Variants in NEDD9 observed in about 807,000 individuals in gnomAD.
NEDD9 encodes neural precursor cell expressed, developmentally down-regulated 9.
In NEDD9, 26 loss-of-function variants were observed where a neutral mutation model predicts 76.6. The ratio of observed to expected loss-of-function variants is 0.34; its 90% CI spans 0.25 to 0.47. NEDD9 has a LOEUF of 0.47. Ranked by LOEUF, NEDD9 falls within the 20% of genes least tolerant of loss-of-function variation. The probability of loss-of-function intolerance (pLI) is 1.00; values close to 1 mark genes in which losing one functional copy is unlikely to be tolerated. For synonymous variants in NEDD9, 392 were observed against 414.2 expected, an observed-to-expected ratio of 0.95 and a Z score of 0.65; for missense variants, 937 against 1,058.5, an observed-to-expected ratio of 0.89 and a Z score of 1.59.
At chr6:11,240,716 T>C (rs1007930155) in intron 3 of NEDD9, among the ~76,000 whole-genome samples, 1 of 152,252 alleles carries the variant, frequency 6.6e-6, no homozygotes, top group African/African-American at 2.4e-5. Flanking sequence ...CACTCGACTC[T>C]AGTGAAATGT....
chr6:11,298,579 G>C (rs183911976), intron 3 of NEDD9, among the ~76,000 whole-genome samples: 42 of 152,268 alleles, frequency 2.8e-4, no homozygotes, highest in Non-Finnish European at 4.3e-4. Flanking sequence ...TTATCTCCCT[G>C]TATCTCTCTG....
chr6:11,317,227 G>T (rs1407965414), intron 2 of NEDD9, among the ~76,000 whole-genome samples: 1 of 152,092 alleles, frequency 6.6e-6, no homozygotes, highest in Non-Finnish European at 1.5e-5. Flanking sequence ...CAGGTCAGGA[G>T]TTTGAGACCA....
intron 2 of NEDD9, among the ~76,000 whole-genome samples, chr6:11,197,436 C>T (rs1049900961): frequency 3.3e-5 from 5 of 152,116 alleles, no homozygotes; most frequent in Admixed American, 3.3e-4. Context: ...TTACCCGGCA[C>T]AGGATTTGCA....
At chr6:11,262,746 G>A (rs777751016) in intron 3 of NEDD9, among the ~76,000 whole-genome samples, 4 of 152,206 alleles carry the variant, frequency 2.6e-5, no homozygotes, top group Non-Finnish European at 2.9e-5. Flanking sequence ...ATAAGTTAAA[G>A]CTCAGTTAAA....
At position 11,252,685 on chromosome 6, in the gene NEDD9, A is replaced by G. The variant is rs1194914649; in HGVS notation, c.13-38958T>C. ...TATCCTAATCAAAGTTGAAAATGAC[A>G]AATAGAGGACAGAAATGAATTCCTA... is the stretch of plus-strand genomic sequence containing the variant. On this transcript the variant is annotated intron_variant, in intron 3 of 3. Coordinates refer to the NEDD9 transcript ENST00000397378. This position sits in a 1 kb window ranked among gnomAD's most constrained non-coding sequence, Gnocchi z 4.3. Among the ~76,000 whole-genome samples, 1 of 152,230 alleles carries G rather than the reference A, an allele frequency of 6.6e-6. No individual in the cohort carries two copies. The highest frequency in any genetic ancestry group is 1.9e-4 in the East Asian group (1 of 5,194).
chr6:11,255,707 G>T (rs1226762531), intron 3 of NEDD9, among the ~76,000 whole-genome samples: 1 of 152,114 alleles, frequency 6.6e-6, no homozygotes, highest in African/African-American at 2.4e-5. Context: ...CTGGAGCCAT[G>T]CGAGGCCTTT....
intron 3 of NEDD9, among the ~76,000 whole-genome samples, chr6:11,297,896 A>AT (rs556461553): frequency 8.6e-5 from 12 of 138,894 alleles, no homozygotes; most frequent in South Asian, 4.5e-4. Flanking sequence ...TCTAGTCCGT[A>AT]TTTTTTTTTC....
intron 1 of NEDD9, among the ~76,000 whole-genome samples, chr6:11,360,150 G>T (rs1383271474): frequency 2.0e-5 from 3 of 152,182 alleles, no homozygotes; most frequent in Non-Finnish European, 4.4e-5. Flanking sequence ...TTGGAACGAG[G>T]CTCAGTCTTG....
rs1167233291 is a variant in NEDD9 at position 11,213,989 on chromosome 6, G to A, written c.13-262C>T. 2.6e-5 allele frequency among the ~76,000 whole-genome samples: 4 copies of A among 152,180 alleles called. No homozygotes were observed. Among genetic ancestry groups the A allele is most frequent in the African/African-American group, 7.2e-5 (3 of 41,422 alleles). ...GTTCTTTCCTCTAGCAGGATATGCC[G>A]TGCCAAGGAATTATGAGTAGCAGTG... On this transcript the variant is annotated intron_variant, in intron 1 of 6. Transcript: ENST00000379446. This position sits in a 1 kb window ranked among gnomAD's most constrained non-coding sequence, Gnocchi z 5.4.
intron 2 of NEDD9, among the ~76,000 whole-genome samples, chr6:11,307,998 C>G (rs1761242019): frequency 6.6e-6 from 1 of 152,128 alleles, no homozygotes; most frequent in African/African-American, 2.4e-5. Flanking sequence ...TTCTAGACCC[C>G]GTGCCAAGGA....
chr6:11,256,575 C>T (rs1301642741), intron 3 of NEDD9, among the ~76,000 whole-genome samples: 1 of 152,158 alleles, frequency 6.6e-6, no homozygotes, highest in Non-Finnish European at 1.5e-5. Context: ...ATCCTCCCAC[C>T]TCAGCCTCCT....
At chr6:11,249,287 A>C in intron 3 of NEDD9, 1 of 418,388 alleles carries the variant, frequency 2.4e-6, no homozygotes, top group South Asian at 1.7e-5. Context: ...ACCCTAGATG[A>C]ATGAGTTTAA....
intron 1 of NEDD9, among the ~76,000 whole-genome samples, chr6:11,376,112 C>T (rs978538612): frequency 7.2e-5 from 11 of 152,250 alleles, no homozygotes; most frequent in Non-Finnish European, 1.5e-5. Flanking sequence ...GCGTGAGCCA[C>T]CGTGCCCGGT....
Position 11,192,158 on chromosome 6 carries a change from C to A in NEDD9, c.663+187G>T, listed in dbSNP as rs528477276. 2.0e-5 allele frequency among the ~76,000 whole-genome samples: 3 copies of A among 152,324 alleles called. No homozygotes were observed. In the East Asian group the frequency reaches 5.8e-4, roughly 29 times the overall value. On this transcript the variant is annotated intron_variant, in intron 4 of 6. Coordinates refer to ENST00000379446, the MANE Select transcript of NEDD9 (RefSeq NM_006403.4). The stretch of plus-strand genomic sequence containing the variant: ...CTCAATATGAAATCCCTAGAGCTAT[C>A]TTTAATTAGTGCCTTTCCTTTTTTG...
At chr6:11,309,377 T>C (rs147193245) in intron 2 of NEDD9, among the ~76,000 whole-genome samples, 18 of 152,330 alleles carry the variant, frequency 1.2e-4, no homozygotes, top group African/African-American at 4.1e-4. Context: ...TAGATCTTTA[T>C]CTGTTTCTGT....
intron 2 of NEDD9, among the ~76,000 whole-genome samples, chr6:11,328,371 A>G (rs978493427): frequency 2.6e-5 from 4 of 152,234 alleles, no homozygotes; most frequent in Non-Finnish European, 5.9e-5. Context: ...TGGATCCTGT[A>G]ACAGGGTTAA....
intron 3 of NEDD9, among the ~76,000 whole-genome samples, chr6:11,275,545 T>C (rs201544219): frequency 5.6e-4 from 84 of 149,924 alleles, no homozygotes; most frequent in African/African-American, 1.2e-3. Flanking sequence ...AATACATACA[T>C]ACACACACAC....
chr6:11,268,037 T>C (rs532875819), intron 3 of NEDD9, among the ~76,000 whole-genome samples: 6 of 152,190 alleles, frequency 3.9e-5, no homozygotes, highest in African/African-American at 1.2e-4. Flanking sequence ...TAATATACTT[T>C]TATTTTGTTT....
chr6:11,232,860 C>A (rs1381400894), upstream of NEDD9, among the ~76,000 whole-genome samples: 1 of 152,152 alleles, frequency 6.6e-6, no homozygotes, highest in South Asian at 2.1e-4. Flanking sequence ...AAGTGGGGAA[C>A]CGTCCTGAAC....
Sources: allele counts gnomAD v4.1 joint callset (sites outside exome capture counted in the v4.1 genomes callset), GRCh38; gene constraint gnomAD v4.1.1; non-coding constraint Gnocchi (gnomAD v3.1); transcripts MANE v1.5; gene names NCBI Gene and HGNC (gene_info 2026-07-23, HGNC 2026-07-21).